The following ADAMTSL1 variants were observed in gnomAD, a reference collection of about 807,000 sequenced individuals.
ADAMTSL1 encodes ADAMTS-like protein 1.
In ADAMTSL1, 126 loss-of-function variants were observed where a neutral mutation model predicts 201.8. The observed-to-expected ratio is 0.62, with a 90% confidence interval of 0.54 to 0.72. ADAMTSL1 has a LOEUF of 0.72. Ranked by LOEUF, ADAMTSL1 falls within the 30% of genes least tolerant of loss-of-function variation. ADAMTSL1 has a pLI of 0.00. For synonymous variants in ADAMTSL1, 1,121 were observed against 903.4 expected (o/e 1.24, Z -4.32); for missense variants, 2,679 against 2,277.8 (o/e 1.18, Z -3.59).
At chr9:18,486,507 C>T (rs1822002370) in intron 1 of ADAMTSL1, among the ~76,000 whole-genome samples, 1 of 152,142 alleles carries the variant, frequency 6.6e-6, no homozygotes, top group Admixed American at 6.5e-5. Context: ...AGTTCAAGAC[C>T]AACCTGGGCA....
chr9:18,685,961 C>T (rs148368532), intron 13 of ADAMTSL1, among the ~76,000 whole-genome samples: 265 of 151,898 alleles, frequency 1.7e-3, no homozygotes, highest in Non-Finnish European at 2.1e-3. Flanking sequence ...CTCTGTCACC[C>T]GGGCATGGAT....
intron 2 of ADAMTSL1, among the ~76,000 whole-genome samples, chr9:18,189,870 C>T (rs1021256833): frequency 6.6e-6 from 1 of 152,152 alleles, no homozygotes; most frequent in African/African-American, 2.4e-5. Context: ...TTTTTGTACT[C>T]TAGCATGTAT....
chr9:18,817,225 T>A lies in ADAMTSL1; in HGVS notation c.3922T>A (p.Cys1308Ser). The change falls in exon 21 of 29, where the codon TGC (cysteine) becomes AGC (serine). Residue 1308 changes from cysteine to serine, a missense_variant. Physicochemically the swap from Cys to Ser is moderately radical, Grantham distance 112. Coordinates refer to ENST00000380548, the MANE Select transcript of ADAMTSL1 (RefSeq NM_001040272.6). ...GCAGGGAGTGAATGTGACAATCAAC[T>A]GCCAGGTTGCAGGTGAGAAATTAAT... ...TVQGVNVTINCQVAGVPEAEV... is the reference protein window; with the variant it reads ...TVQGVNVTINSQVAGVPEAEV... 6.4e-7 allele frequency: 1 copy of A among 1,555,464 alleles called. No individual in the cohort carries two copies. Among genetic ancestry groups the A allele is most frequent in the Non-Finnish European group, 8.7e-7 (1 of 1,148,954 alleles).
At chr9:18,345,745 A>T (rs1238378879) in intron 2 of ADAMTSL1, among the ~76,000 whole-genome samples, 1 of 152,142 alleles carries the variant, frequency 6.6e-6, no homozygotes, top group African/African-American at 2.4e-5. Context: ...TGCATCTCAG[A>T]GGTGAGAGGA....
chr9:18,509,795 G>A (rs1175912082), intron 2 of ADAMTSL1, among the ~76,000 whole-genome samples: 4 of 152,194 alleles, frequency 2.6e-5, no homozygotes, highest in African/African-American at 9.6e-5. Flanking sequence ...ACATGTGAAA[G>A]CATGAGCTAG....
At chr9:18,366,071 A>T (rs1228087677) in intron 2 of ADAMTSL1, among the ~76,000 whole-genome samples, 1 of 152,134 alleles carries the variant, frequency 6.6e-6, no homozygotes, top group Non-Finnish European at 1.5e-5. Flanking sequence ...TTTTGAGTGT[A>T]ATCTCCCTTT....
At chr9:18,819,354 G>A (rs1404472706) in intron 21 of ADAMTSL1, among the ~76,000 whole-genome samples, 1 of 151,982 alleles carries the variant, frequency 6.6e-6, no homozygotes, top group Non-Finnish European at 1.5e-5. Context: ...TACTCAGGAG[G>A]CTGAGGCATG....
intron 4 of ADAMTSL1, among the ~76,000 whole-genome samples, chr9:18,619,710 T>A (rs1825913935): frequency 1.3e-5 from 2 of 152,200 alleles, no homozygotes; most frequent in Admixed American, 1.3e-4. Context: ...TTTGGCTCCA[T>A]TAGAGGCATC....
intron 2 of ADAMTSL1, among the ~76,000 whole-genome samples, chr9:18,443,667 T>A (rs1820082991): frequency 6.6e-6 from 1 of 152,146 alleles, no homozygotes; most frequent in South Asian, 2.1e-4. Flanking sequence ...TTTGCAGTCC[T>A]TTTTCAGCCT....
intron 6 of ADAMTSL1, among the ~76,000 whole-genome samples, chr9:18,637,450 A>T (rs1764535222): frequency 6.6e-6 from 1 of 152,158 alleles, no homozygotes; most frequent in African/African-American, 2.4e-5. Flanking sequence ...GGAAGAAAGA[A>T]CCCATAGGAG....
At chr9:18,276,846 C>A (rs1005104092) in intron 2 of ADAMTSL1, among the ~76,000 whole-genome samples, 3 of 152,140 alleles carry the variant, frequency 2.0e-5, no homozygotes, top group Admixed American at 1.3e-4. Flanking sequence ...CCCCCAGGAC[C>A]CAAACTCCTC....
intron 2 of ADAMTSL1, among the ~76,000 whole-genome samples, chr9:18,462,896 A>G (rs1820861798): frequency 6.6e-6 from 1 of 151,980 alleles, no homozygotes; most frequent in Non-Finnish European, 1.5e-5. Flanking sequence ...CCGAGGGAGC[A>G]CCACTGCACT....
intron 2 of ADAMTSL1, among the ~76,000 whole-genome samples, chr9:18,395,974 C>T (rs190792325): frequency 6.6e-6 from 1 of 152,138 alleles, no homozygotes; most frequent in African/African-American, 2.4e-5. Context: ...TTTAGTCTGG[C>T]CTTTCTGTGG....
intron 3 of ADAMTSL1, among the ~76,000 whole-genome samples, chr9:18,566,604 G>A (rs1164055908): frequency 6.6e-6 from 1 of 152,150 alleles, no homozygotes; most frequent in Non-Finnish European, 1.5e-5. Flanking sequence ...CAGAATCTGG[G>A]CAAAGAGAAT....
intron 1 of ADAMTSL1, among the ~76,000 whole-genome samples, chr9:17,958,018 TA>T (rs989791695): frequency 1.4e-3 from 218 of 152,312 alleles, no homozygotes; most frequent in African/African-American, 5.1e-3. Flanking sequence ...CATAGGATGC[TA>T]AAACATCCTC....
intron 1 of ADAMTSL1, among the ~76,000 whole-genome samples, chr9:18,499,048 G>A (rs1691623806): frequency 6.6e-6 from 1 of 152,222 alleles, no homozygotes; most frequent in Non-Finnish European, 1.5e-5. Context: ...GTCCTCCTTG[G>A]CCTGTATAGC....
intron 1 of ADAMTSL1, among the ~76,000 whole-genome samples, chr9:18,095,387 G>A (rs1824201042): frequency 7.0e-6 from 1 of 142,204 alleles, no homozygotes; most frequent in Admixed American, 7.0e-5. Flanking sequence ...CACGTTTTTA[G>A]TAATCCCTGA....
chr9:18,056,536 C>T (rs1586958365), intron 1 of ADAMTSL1, among the ~76,000 whole-genome samples: 3 of 152,172 alleles, frequency 2.0e-5, no homozygotes, highest in African/African-American at 7.2e-5. Context: ...GTATAAACAA[C>T]ACATAGGGAG....
At chr9:18,159,984 C>A (rs1343439377) in intron 1 of ADAMTSL1, among the ~76,000 whole-genome samples, 1 of 151,952 alleles carries the variant, frequency 6.6e-6, no homozygotes, top group Admixed American at 6.6e-5. Flanking sequence ...TTTGATGACT[C>A]CCTAATTTCC....
Sources: allele counts gnomAD v4.1 joint callset (sites outside exome capture counted in the v4.1 genomes callset), GRCh38; gene constraint gnomAD v4.1.1; transcripts MANE v1.5; gene names NCBI Gene and HGNC (gene_info 2026-07-23, HGNC 2026-07-21).